The following NCKAP5 variants were observed in gnomAD, a reference collection of about 807,000 sequenced individuals.
NCKAP5 encodes the protein NCK associated protein 5.
NCKAP5 carries 92 observed loss-of-function variants against 167.0 expected under a neutral mutation model. That is an observed-to-expected ratio of 0.55 (90% confidence interval 0.47 to 0.66). The LOEUF (loss-of-function observed/expected upper bound fraction) is 0.66, where lower values mean the gene tolerates loss of function less well. Among genes scored for constraint, NCKAP5 ranks in the 30% least tolerant of loss-of-function variants. The pLI, the probability that NCKAP5 is intolerant of heterozygous loss-of-function variation, is 0.00. For missense variants in NCKAP5, 2,378 were observed against 2,315.0 expected (o/e 1.03, Z -0.56); for synonymous variants, 891 against 877.4 (o/e 1.02, Z -0.27).
At chr2:132,696,744 C>A (rs542795499) in intron 19 of NCKAP5, among the ~76,000 whole-genome samples, 1 of 152,288 alleles carries the variant, frequency 6.6e-6, no homozygotes, top group East Asian at 1.9e-4. Flanking sequence ...AGAAGAAATT[C>A]TCCTAAACTC....
intron 2 of NCKAP5, among the ~76,000 whole-genome samples, chr2:133,535,033 G>A (rs1685650781): frequency 6.6e-6 from 1 of 152,212 alleles, no homozygotes; most frequent in East Asian, 1.9e-4. Context: ...TTATAAGTGG[G>A]TATGAAGAGG....
intron 3 of NCKAP5, among the ~76,000 whole-genome samples, chr2:133,357,057 G>A (rs111301010): frequency 9.7e-4 from 147 of 152,240 alleles, no homozygotes; most frequent in African/African-American, 3.3e-3. Context: ...TGTCATCTCT[G>A]CTAGATTGTA....
At chr2:133,663,227 CTGCAG>C in the NCKAP5 span, among the ~76,000 whole-genome samples, 1 of 148,924 alleles carries the variant, frequency 6.7e-6, no homozygotes, top group South Asian at 2.1e-4. Context: ...GATTGCGCCA[CTGCAG>C]TCCGCAGTCC....
chr2:133,108,267 C>T (rs1000748611), intron 6 of NCKAP5, among the ~76,000 whole-genome samples: 6 of 152,222 alleles, frequency 3.9e-5, no homozygotes, highest in African/African-American at 4.8e-5. Context: ...CAGATAAGGA[C>T]GGATAAGCAC....
chr2:133,003,169 A>C (rs76197743), intron 6 of NCKAP5, among the ~76,000 whole-genome samples: 2,224 of 152,294 alleles, frequency 0.015, 46 homozygotes, highest in African/African-American at 0.051. Flanking sequence ...ATCTCTGCCA[A>C]GACAGCCCAC....
chr2:132,784,078 C>G lies in NCKAP5; in HGVS notation c.2733G>C (p.Thr911=). The change falls in exon 14 of 20, where the codon ACG becomes ACC. Residue 911 remains threonine, a synonymous_variant. Coordinates refer to ENST00000409261, the MANE Select transcript of NCKAP5 (RefSeq NM_207363.3). ...IESSDSGEPP[T]RDEHCGSGPE... ...GCCCAGAGCCACAGTGTTCATCCCTCGTGGGGGGCTCTCCACTGTCACTAG... is the reference window on the plus strand; with the variant it reads ...GCCCAGAGCCACAGTGTTCATCCCTGGTGGGGGGCTCTCCACTGTCACTAG... 3 of 1,521,732 alleles carry G rather than the reference C, an allele frequency of 2.0e-6. No individual in the cohort carries two copies. The South Asian group carries it at 4.0e-5, about 20-fold the overall frequency. The allele number at this position is 1,521,732 out of a possible 1,614,324, so 94.3% of individuals were successfully genotyped here. A position where few individuals can be genotyped will look rare whatever the true frequency, so the allele number is the denominator to read the frequency against.
the NCKAP5 span, among the ~76,000 whole-genome samples, chr2:133,650,037 C>A: frequency 6.6e-6 from 1 of 151,804 alleles, no homozygotes; most frequent in South Asian, 2.1e-4. Flanking sequence ...GATATAAAAT[C>A]GATGTAAAAA....
intron 3 of NCKAP5, among the ~76,000 whole-genome samples, chr2:133,482,850 C>G (rs1019141117): frequency 6.6e-6 from 1 of 152,050 alleles, no homozygotes; most frequent in Non-Finnish European, 1.5e-5. Context: ...CTCTAACCCA[C>G]CAACTCATTG....
chr2:133,205,316 T>TAGATAGATAGATAGATAGATAGAC (rs1271097592), intron 5 of NCKAP5, among the ~76,000 whole-genome samples: 173 of 152,030 alleles, frequency 1.1e-3, no homozygotes, highest in African/African-American at 3.8e-3. Context: ...GATAGATAGA[T>TAGATAGATAGATAGATAGATAGAC]AGACAGACAG....
intron 16 of NCKAP5, among the ~76,000 whole-genome samples, chr2:132,771,026 A>G (rs2104937424): frequency 6.6e-6 from 1 of 152,330 alleles, no homozygotes; most frequent in Non-Finnish European, 1.5e-5. Context: ...GACTATTACT[A>G]GTTTATGTAT....
At chr2:132,677,487 C>T (rs1684645493) in intron 19 of NCKAP5, among the ~76,000 whole-genome samples, 3 of 152,080 alleles carry the variant, frequency 2.0e-5, no homozygotes, top group Admixed American at 2.0e-4. Context: ...TTTGTGCAAA[C>T]AGTCTTGTGG....
At chr2:133,020,486 A>G (rs1042742705) in intron 6 of NCKAP5, among the ~76,000 whole-genome samples, 7 of 152,352 alleles carry the variant, frequency 4.6e-5, no homozygotes, top group African/African-American at 1.7e-4. Flanking sequence ...AGGCAAGTAC[A>G]TGAATGCATG....
chr2:132,933,752 T>C (rs12997073), intron 8 of NCKAP5, among the ~76,000 whole-genome samples: 192 of 152,188 alleles, frequency 1.3e-3, no homozygotes, highest in Non-Finnish European at 2.2e-3. Flanking sequence ...GATTTACATA[T>C]ACATGTGGAG....
chr2:133,406,442 G>A (rs2151039645), intron 3 of NCKAP5, among the ~76,000 whole-genome samples: 1 of 152,208 alleles, frequency 6.6e-6, no homozygotes, highest in South Asian at 2.1e-4. Flanking sequence ...TATAACACAG[G>A]AGAATAGAGA....
intron 3 of NCKAP5, among the ~76,000 whole-genome samples, chr2:133,359,638 A>T (rs1468040060): frequency 1.3e-5 from 2 of 152,360 alleles, no homozygotes; most frequent in South Asian, 4.1e-4. Flanking sequence ...ACTTTAGTGC[A>T]ACCAGTTCAA....
chr2:133,568,910 T>C (rs16826512), upstream of NCKAP5, among the ~76,000 whole-genome samples: 8,694 of 152,234 alleles, frequency 0.057, 545 homozygotes, highest in East Asian at 0.33. Context: ...CCTAGATAGA[T>C]TGTCTTGGGT....
chr2:133,443,143 C>T (rs1242145736), intron 3 of NCKAP5, among the ~76,000 whole-genome samples: 1 of 152,214 alleles, frequency 6.6e-6, no homozygotes, highest in Non-Finnish European at 1.5e-5. Flanking sequence ...AGCCCATTTC[C>T]TCAGGGGTTC....
chr2:132,744,348 A>G (rs1472343422), intron 16 of NCKAP5, among the ~76,000 whole-genome samples: 1 of 151,786 alleles, frequency 6.6e-6, no homozygotes, highest in East Asian at 1.9e-4. Flanking sequence ...CAGAGAATTA[A>G]AAGAGAAGTC....
intron 16 of NCKAP5, among the ~76,000 whole-genome samples, chr2:132,744,523 C>T (rs1679479354): frequency 6.6e-6 from 1 of 151,116 alleles, no homozygotes; most frequent in Admixed American, 6.6e-5. Context: ...ACAAATAAGA[C>T]AGGCTTAAAA....
Sources: allele counts gnomAD v4.1 joint callset (sites outside exome capture counted in the v4.1 genomes callset), GRCh38; gene constraint gnomAD v4.1.1; transcripts MANE v1.5; gene names NCBI Gene and HGNC (gene_info 2026-07-23, HGNC 2026-07-21).